Variants in TET2 observed in about 807,000 individuals in gnomAD.
The protein encoded by TET2 is tet methylcytosine dioxygenase 2.
Under a neutral mutation model 142.9 loss-of-function variants are expected in TET2, and 299 were observed. The ratio of observed to expected loss-of-function variants is 2.09; its 90% CI spans 1.90 to 2.30. The LOEUF (loss-of-function observed/expected upper bound fraction) is 2.30. TET2 is among the 30% of genes most tolerant of loss of function. TET2 has a pLI of 0.00. For synonymous variants in TET2, 819 were observed against 849.0 expected (o/e 0.96, Z 0.61); for missense variants, 2,418 against 2,378.0 (o/e 1.02, Z -0.35).
Position 105,278,681 on chromosome 4 carries a change from A to G in TET2, c.*2162A>G, listed in dbSNP as rs1016891463. ...TCTGTTGGCTCTTTTTATTGTAAAG[A>G]AAAGCATTTTAAAAGTTTGAGGAAT... is the stretch of plus-strand genomic sequence containing the variant. On this transcript the variant is annotated 3_prime_UTR_variant, in exon 11 of 11. Coordinates refer to ENST00000380013, the MANE Select transcript of TET2 (RefSeq NM_001127208.3). 1.7e-5 allele frequency: 4 copies of G among 232,858 alleles called. No homozygotes were observed. The highest frequency in any genetic ancestry group is 2.5e-5 in the Non-Finnish European group (3 of 117,824). The allele number at this position is 232,858 out of a possible 1,614,324, so 14.4% of individuals were successfully genotyped here.
intron 6 of TET2, among the ~76,000 whole-genome samples, chr4:105,249,597 C>A (rs1729763311): frequency 6.6e-6 from 1 of 152,174 alleles, no homozygotes; most frequent in Admixed American, 6.5e-5. Context: ...ATCTCCACAT[C>A]CTCAAGAAAA....
In TET2 at chr4:105,240,647, A is replaced by G. The variant is rs947234776; in HGVS notation, c.3410-692A>G. 10 of 1,079,958 alleles carry G rather than the reference A, an allele frequency of 9.3e-6. No homozygotes were observed. In the African/African-American group the frequency reaches 1.5e-4, roughly 16 times the overall value. 66.9% of individuals were successfully genotyped at this position (1,079,958 alleles called of 1,614,324 possible). A position where few individuals can be genotyped will look rare whatever the true frequency, so the allele number is the denominator to read the frequency against. On this transcript the variant is annotated intron_variant, in intron 3 of 10. Coordinates refer to ENST00000380013, the MANE Select transcript of TET2 (RefSeq NM_001127208.3). ...GGCTAAAACACCACACATCTCATAG[A>G]TAATATTTGGTAAGTTGTAATCGTC...
chr4:105,267,203 A>G (rs969113004), intron 8 of TET2, among the ~76,000 whole-genome samples: 1 of 152,102 alleles, frequency 6.6e-6, no homozygotes, highest in Non-Finnish European at 1.5e-5. Context: ...ACAAAAGCTG[A>G]AAGAATTCAC....
Position 105,276,124 on chromosome 4 carries a change from C to A in TET2, c.5614C>A (p.Leu1872Ile). The A allele has an allele frequency of 6.4e-7, 1 of 1,551,602 alleles. No homozygotes were observed. Among genetic ancestry groups the A allele is most frequent in the South Asian group, 1.2e-5 (1 of 84,052 alleles). Residue 1872 changes from leucine to isoleucine, a missense_variant, in exon 11 of 11, where the codon CTC (leucine) becomes ATC (isoleucine). Physicochemically the swap from Leu to Ile is conservative, Grantham distance 5. Transcript: ENST00000380013. Reference sequence around the variant, plus strand: ...CGTGGCTCCAACTCATGGGTCAATTCTCATTGAGTGTGCAAAGCGTGAGCT... The same window carrying A: ...CGTGGCTCCAACTCATGGGTCAATTATCATTGAGTGTGCAAAGCGTGAGCT... ...VAVAPTHGSI[L>I]IECAKRELHA...
At chr4:105,183,595 T>G (rs1403970103) in intron 1 of TET2, among the ~76,000 whole-genome samples, 1 of 152,136 alleles carries the variant, frequency 6.6e-6, no homozygotes, top group African/African-American at 2.4e-5. Flanking sequence ...GATCATGAAT[T>G]TATGGAGGAT....
chr4:105,167,259 A>G (rs1337133860), intron 1 of TET2, among the ~76,000 whole-genome samples: 2 of 152,094 alleles, frequency 1.3e-5, no homozygotes, highest in East Asian at 1.9e-4. Flanking sequence ...GGCTCAAATC[A>G]TATAAAATGT....
chr4:105,276,889 T>C lies in TET2; in HGVS notation c.*370T>C, dbSNP rs1392647256. On this transcript the variant is annotated 3_prime_UTR_variant, in exon 11 of 11. Transcript: ENST00000380013. ...ACATCTGTGACCACTTTTAATAATA[T>C]CAAGTTTGCATAGTCATGGAACACA... 5 of 195,222 alleles carry C rather than the reference T, an allele frequency of 2.6e-5. No individual in the cohort carries two copies. In the East Asian group the frequency reaches 4.6e-4, roughly 18 times the overall value. 12.1% of individuals were successfully genotyped at this position (195,222 alleles called of 1,614,324 possible).
chr4:105,221,228 T>A (rs1480445700), intron 2 of TET2, among the ~76,000 whole-genome samples: 1 of 152,100 alleles, frequency 6.6e-6, no homozygotes, highest in Non-Finnish European at 1.5e-5. Context: ...CAAAAAACAA[T>A]TCCAGGATTA....
upstream of TET2, chr4:105,146,837 C>T (rs1723041756): frequency 6.6e-6 from 1 of 152,230 alleles, no homozygotes; most frequent in Non-Finnish European, 1.5e-5. Context: ...AGACGTCAAA[C>T]TGCCTTATGA....
chr4:105,241,938 C>CT (rs11284258), intron 4 of TET2: 634 of 1,156,330 alleles, frequency 5.5e-4, no homozygotes, highest in Non-Finnish European at 5.9e-4. Flanking sequence ...TTACAGCTGC[C>CT]TTTTTTTTTT....
chr4:105,205,823 G>A (rs370557995), intron 2 of TET2, among the ~76,000 whole-genome samples: 16 of 151,968 alleles, frequency 1.1e-4, no homozygotes, highest in African/African-American at 3.4e-4. Context: ...TAGTAGAGAC[G>A]GAGTTTCTCC....
intron 2 of TET2, among the ~76,000 whole-genome samples, chr4:105,232,335 A>G (rs1034184138): frequency 2.0e-5 from 3 of 152,172 alleles, no homozygotes; most frequent in Admixed American, 1.3e-4. Flanking sequence ...TACGTGTGCA[A>G]TATGCCTTTA....
At chr4:105,148,072 AC>A (rs1262606567) in intron 1 of TET2, among the ~76,000 whole-genome samples, 1 of 151,866 alleles carries the variant, frequency 6.6e-6, no homozygotes, top group Admixed American at 6.6e-5. Flanking sequence ...ACACACACAC[AC>A]ACACACACAC....
chr4:105,183,436 T>C (rs1309645590), intron 1 of TET2, among the ~76,000 whole-genome samples: 1 of 152,102 alleles, frequency 6.6e-6, no homozygotes, highest in African/African-American at 2.4e-5. Flanking sequence ...TTTCAATAAC[T>C]CTTTTTCCTA....
rs1560571630 is a variant in TET2 at position 105,272,848 on chromosome 4, T to G, written c.4467T>G (p.Asn1489Lys). ...LSSLENSSNK[N>K]EKEKSAPSRT... ...CCCTGGAGAACAGCTCAAATAAAAA[T>G]GAAAAGGAAAAGTCAGCCCCATCAC... The change falls in exon 10 of 11, where the codon AAT becomes AAG. Residue 1489 changes from asparagine to lysine, a missense_variant. By Grantham distance (94) the Asn-to-Lys change is moderately conservative. Coordinates refer to ENST00000380013, the MANE Select transcript of TET2 (RefSeq NM_001127208.3). The G allele has an allele frequency of 1.3e-6, 2 of 1,550,958 alleles. No homozygotes were observed. Among genetic ancestry groups the G allele is most frequent in the Non-Finnish European group, 1.7e-6 (2 of 1,146,826 alleles).
intron 8 of TET2, among the ~76,000 whole-genome samples, chr4:105,267,464 T>C (rs1224124447): frequency 6.6e-6 from 1 of 151,444 alleles, no homozygotes; most frequent in Non-Finnish European, 1.5e-5. Flanking sequence ...AAAGTACTTA[T>C]ACGATATGTG....
intron 2 of TET2, among the ~76,000 whole-genome samples, chr4:105,204,091 C>A (rs1442429306): frequency 1.3e-5 from 2 of 151,752 alleles, no homozygotes; most frequent in African/African-American, 4.8e-5. Context: ...CCCAGCTACT[C>A]AGGAGGCTGA....
intron 1 of TET2, among the ~76,000 whole-genome samples, chr4:105,185,927 A>C (rs1482611530): frequency 6.6e-6 from 1 of 152,084 alleles, no homozygotes; most frequent in Admixed American, 6.5e-5. Flanking sequence ...TATTTTATTC[A>C]ATTAAAAATG....
At chr4:105,185,930 T>G (rs1725411453) in intron 1 of TET2, among the ~76,000 whole-genome samples, 1 of 152,086 alleles carries the variant, frequency 6.6e-6, no homozygotes, top group African/African-American at 2.4e-5. Flanking sequence ...TTTATTCAAT[T>G]AAAAATGTAG....
Sources: allele counts gnomAD v4.1 joint callset (sites outside exome capture counted in the v4.1 genomes callset), GRCh38; gene constraint gnomAD v4.1.1; transcripts MANE v1.5; gene names NCBI Gene and HGNC (gene_info 2026-07-23, HGNC 2026-07-21).